Variants in LRRC4C observed in about 807,000 individuals in gnomAD.
LRRC4C encodes leucine rich repeat containing 4C.
Under a neutral mutation model 33.6 loss-of-function variants are expected in LRRC4C, and 5 were observed. That is an observed-to-expected ratio of 0.15 (90% confidence interval 0.08 to 0.31). The LOEUF is 0.31. Ranked by LOEUF, LRRC4C falls within the 10% of genes least tolerant of loss-of-function variation. The probability of loss-of-function intolerance (pLI) is 1.00; values close to 1 mark genes in which losing one functional copy is unlikely to be tolerated. For missense variants in LRRC4C, 560 were observed against 796.7 expected, an observed-to-expected ratio of 0.70 and a Z score of 3.58; for synonymous variants, 329 against 302.0, an observed-to-expected ratio of 1.09 and a Z score of -0.93.
At chr11:41,150,862 A>G (rs546584904) in intron 1 of LRRC4C, among the ~76,000 whole-genome samples, 44 of 152,264 alleles carry the variant, frequency 2.9e-4, no homozygotes, top group Non-Finnish European at 5.3e-4. Flanking sequence ...CCTTAGTAGG[A>G]AAGCAAAATA....
chr11:41,360,039 T>G (rs1258192128), intron 1 of LRRC4C, among the ~76,000 whole-genome samples: 1 of 152,056 alleles, frequency 6.6e-6, no homozygotes, highest in Non-Finnish European at 1.5e-5. Flanking sequence ...AAAAATTAGC[T>G]GGGCACAGTG....
chr11:40,566,065 T>G (rs1957746792), intron 3 of LRRC4C, among the ~76,000 whole-genome samples: 1 of 150,014 alleles, frequency 6.7e-6, no homozygotes, highest in Admixed American at 6.7e-5. Flanking sequence ...GTAAATTAAC[T>G]GCCTTTTCTA....
chr11:41,180,003 A>T (rs1945377131), intron 1 of LRRC4C, among the ~76,000 whole-genome samples: 1 of 152,216 alleles, frequency 6.6e-6, no homozygotes, highest in African/African-American at 2.4e-5. Context: ...CACCCTATAC[A>T]GGACTGGCGG....
intron 4 of LRRC4C, among the ~76,000 whole-genome samples, chr11:40,305,190 G>A (rs1944969843): frequency 6.6e-6 from 1 of 152,114 alleles, no homozygotes; most frequent in Non-Finnish European, 1.5e-5. Flanking sequence ...TGATCTTTTT[G>A]ATCTTGTAAG....
intron 3 of LRRC4C, among the ~76,000 whole-genome samples, chr11:40,333,294 C>T (rs1378930954): frequency 4.6e-5 from 7 of 152,084 alleles, no homozygotes; most frequent in Non-Finnish European, 8.8e-5. Flanking sequence ...TATACATACA[C>T]ATATTTGTGA....
chr11:40,702,108 G>T (rs1022779663), intron 2 of LRRC4C, among the ~76,000 whole-genome samples: 3 of 151,872 alleles, frequency 2.0e-5, no homozygotes, highest in Non-Finnish European at 4.4e-5. Context: ...TTATTAAAAG[G>T]TTTCACAAAA....
intron 1 of LRRC4C, among the ~76,000 whole-genome samples, chr11:41,236,420 C>G (rs1591023771): frequency 6.6e-6 from 1 of 152,126 alleles, no homozygotes; most frequent in Non-Finnish European, 1.5e-5. Context: ...AAAACCGAGT[C>G]TAAGACAATC....
intron 3 of LRRC4C, among the ~76,000 whole-genome samples, chr11:40,610,924 A>G (rs1456156489): frequency 6.6e-6 from 1 of 151,916 alleles, no homozygotes; most frequent in Non-Finnish European, 1.5e-5. Context: ...GAAAGATTCA[A>G]TACTGTTTAA....
chr11:40,549,820 T>C (rs887134724), intron 3 of LRRC4C, among the ~76,000 whole-genome samples: 7 of 151,272 alleles, frequency 4.6e-5, no homozygotes, highest in Admixed American at 2.0e-4. Flanking sequence ...AGCATTTAAA[T>C]GGTGTTGAAT....
At chr11:41,190,636 G>A (rs1179579904) in intron 1 of LRRC4C, among the ~76,000 whole-genome samples, 1 of 152,114 alleles carries the variant, frequency 6.6e-6, no homozygotes, top group Non-Finnish European at 1.5e-5. Context: ...GTAAAATGAC[G>A]TATGCTCGGC....
chr11:40,892,355 A>C (rs1955754894), intron 2 of LRRC4C, among the ~76,000 whole-genome samples: 2 of 152,070 alleles, frequency 1.3e-5, no homozygotes, highest in Non-Finnish European at 1.5e-5. Context: ...GGACAAAAAA[A>C]CATGTACATA....
chr11:40,756,352 G>A lies in LRRC4C; in HGVS notation c.-406-108074C>T, dbSNP rs143642276. On this transcript the variant is annotated intron_variant, in intron 2 of 6. Coordinates refer to ENST00000528697, the MANE Select transcript of LRRC4C (RefSeq NM_001258419.2). ...AAAGTATTCTTTTACATAATCCGTCGCTTTGCTAATTAAAAATGATTCACC... is the reference window on the plus strand; with the variant it reads ...AAAGTATTCTTTTACATAATCCGTCACTTTGCTAATTAAAAATGATTCACC... Among the ~76,000 whole-genome samples the A allele has an allele frequency of 7.1e-3, 1,086 of 152,072 alleles. 16 individuals carry two copies. Among genetic ancestry groups the A allele is most frequent in the African/African-American group, 0.024 (979 of 41,494 alleles).
chr11:40,779,387 C>T (rs1950131913), intron 2 of LRRC4C, among the ~76,000 whole-genome samples: 1 of 151,984 alleles, frequency 6.6e-6, no homozygotes, highest in Admixed American at 6.6e-5. Flanking sequence ...AGTTTTATAC[C>T]TATATTTTCT....
chr11:40,831,649 T>A (rs879421940), intron 2 of LRRC4C, among the ~76,000 whole-genome samples: 1 of 152,042 alleles, frequency 6.6e-6, no homozygotes, highest in Admixed American at 6.6e-5. Context: ...AAAAAGAGGT[T>A]TAATGGACTC....
At chr11:40,519,112 G>A (rs1016029672) in intron 3 of LRRC4C, among the ~76,000 whole-genome samples, 1 of 152,084 alleles carries the variant, frequency 6.6e-6, no homozygotes, top group Non-Finnish European at 1.5e-5. Context: ...CTAGGGGAGG[G>A]ATAGCATTAG....
intron 5 of LRRC4C, among the ~76,000 whole-genome samples, chr11:40,238,872 T>C (rs966519767): frequency 6.6e-6 from 1 of 152,126 alleles, no homozygotes; most frequent in Non-Finnish European, 1.5e-5. Context: ...TCCAGAGAAC[T>C]AGGCCCAGTA....
intron 2 of LRRC4C, among the ~76,000 whole-genome samples, chr11:40,795,873 T>G (rs948611247): frequency 1.3e-5 from 2 of 152,116 alleles, no homozygotes; most frequent in African/African-American, 4.8e-5. Context: ...CTTTAAGAAT[T>G]AATAGGGCCA....
intron 2 of LRRC4C, among the ~76,000 whole-genome samples, chr11:40,813,507 T>A (rs1951579502): frequency 1.3e-5 from 2 of 152,066 alleles, no homozygotes; most frequent in South Asian, 4.2e-4. Flanking sequence ...TGGGGATTAT[T>A]ACAATTCAAG....
intron 1 of LRRC4C, among the ~76,000 whole-genome samples, chr11:41,027,213 G>A (rs2137764674): frequency 6.6e-6 from 1 of 151,692 alleles, no homozygotes; most frequent in East Asian, 1.9e-4. Context: ...AAAAAAGAAG[G>A]AAGAAAAATC....
Sources: allele counts gnomAD v4.1 joint callset (sites outside exome capture counted in the v4.1 genomes callset), GRCh38; gene constraint gnomAD v4.1.1; transcripts MANE v1.5; gene names NCBI Gene and HGNC (gene_info 2026-07-23, HGNC 2026-07-21).